BCR: variants seen among roughly 807,000 people sequenced by gnomAD.
The protein encoded by BCR is BCR activator of RhoGEF and GTPase.
BCR carries 58 observed loss-of-function variants against 138.6 expected under a neutral mutation model. The observed-to-expected ratio is 0.42, with a 90% CI of 0.34 to 0.52. BCR has a LOEUF of 0.52. BCR is among the 20% of genes least tolerant of loss of function. The probability of loss-of-function intolerance (pLI) is 0.06; values close to 1 mark genes in which losing one functional copy is unlikely to be tolerated. For missense variants in BCR, 1,599 were observed against 1,727.2 expected (o/e 0.93, Z 1.32); for synonymous variants, 786 against 730.1 (o/e 1.08, Z -1.23).
chr22:23,182,636 C>T (rs2072286664), intron 1 of BCR, among the ~76,000 whole-genome samples: 1 of 152,216 alleles, frequency 6.6e-6, no homozygotes, highest in African/African-American at 2.4e-5. Flanking sequence ...GCGCCCACAT[C>T]GGATGCTGTT....
intron 1 of BCR, among the ~76,000 whole-genome samples, chr22:23,239,869 A>G (rs2146253549): frequency 6.6e-6 from 1 of 151,502 alleles, no homozygotes; most frequent in East Asian, 2.0e-4. Context: ...CCCAGGCTGC[A>G]GTGCAGTGGC....
At chr22:23,310,801 T>C (rs1445786170) in intron 18 of BCR, among the ~76,000 whole-genome samples, 3 of 152,280 alleles carry the variant, frequency 2.0e-5, no homozygotes, top group Admixed American at 6.5e-5. Flanking sequence ...CATGCAGACA[T>C]AGACCACTTC....
rs147209807 is a variant in BCR, at chr22:23,181,683, C to T, written c.723C>T (p.Gly241=). Residue 241 remains glycine, a synonymous_variant, in exon 1 of 23, where the codon GGC becomes GGT. Transcript: ENST00000305877. The part of the protein sequence containing the change: ...YRGRSSESSC[G]VDGDYEDAEL... ...GACGCTCCTCGGAGAGCAGCTGCGG[C>T]GTCGACGGCGACTACGAGGACGCCG... The T allele has an allele frequency of 5.2e-5, 84 of 1,605,622 alleles. No individual in the cohort carries two copies. The African/African-American group carries it at 6.4e-4, about 12-fold the overall frequency.
chr22:23,188,200 C>G (rs184103072), intron 1 of BCR, among the ~76,000 whole-genome samples: 29 of 152,294 alleles, frequency 1.9e-4, no homozygotes, highest in African/African-American at 7.0e-4. Flanking sequence ...CCGCTAAAGG[C>G]ATCAGCAGCA....
chr22:23,270,470 G>A (rs2073497508), intron 5 of BCR, among the ~76,000 whole-genome samples: 1 of 152,122 alleles, frequency 6.6e-6, no homozygotes, highest in Admixed American at 6.5e-5. Context: ...AGGCTCTTGT[G>A]AGCCCAGCAC....
At chr22:23,240,333 G>GTGTGTC (rs1315080791) in intron 1 of BCR, among the ~76,000 whole-genome samples, 8 of 151,792 alleles carry the variant, frequency 5.3e-5, no homozygotes, top group Admixed American at 5.3e-4. Flanking sequence ...GTGTGTGTGT[G>GTGTGTC]TGTGTGTGTG....
intron 8 of BCR, among the ~76,000 whole-genome samples, chr22:23,281,949 G>T: frequency 6.6e-6 from 1 of 152,302 alleles, no homozygotes. Context: ...TTTCTTGACC[G>T]CAGGCAGAGT....
chr22:23,262,860 GCAGACGGC>G (rs1238254602), intron 4 of BCR: 1 of 1,047,580 alleles, frequency 9.5e-7, no homozygotes, highest in African/African-American at 1.7e-5. Context: ...AGCCCGGGCC[GCAGACGGC>G]GAAGGAGGCA....
chr22:23,190,762 A>G (rs116942343), intron 1 of BCR, among the ~76,000 whole-genome samples: 14 of 152,148 alleles, frequency 9.2e-5, no homozygotes, highest in Non-Finnish European at 1.8e-4. Flanking sequence ...ATGTGGTTTT[A>G]GGCAGCCTAG....
At chr22:23,206,317 G>A (rs2072612465) in intron 1 of BCR, among the ~76,000 whole-genome samples, 1 of 152,206 alleles carries the variant, frequency 6.6e-6, no homozygotes, top group Non-Finnish European at 1.5e-5. Flanking sequence ...GCTCACGCCT[G>A]TAATCCCAGC....
chr22:23,250,655 G>C (rs2073214406), intron 1 of BCR, among the ~76,000 whole-genome samples: 2 of 152,264 alleles, frequency 1.3e-5, no homozygotes, highest in Non-Finnish European at 1.5e-5. Flanking sequence ...GAGGCCAAGG[G>C]GATGGCACGG....
At chr22:23,244,254 A>C (rs2073130123) in intron 1 of BCR, among the ~76,000 whole-genome samples, 1 of 152,228 alleles carries the variant, frequency 6.6e-6, no homozygotes, top group Admixed American at 6.5e-5. Flanking sequence ...TCATAGTAGT[A>C]GTAATTGGAC....
intron 1 of BCR, among the ~76,000 whole-genome samples, chr22:23,219,358 C>A (rs531552750): frequency 6.6e-6 from 1 of 152,268 alleles, no homozygotes; most frequent in Non-Finnish European, 1.5e-5. Flanking sequence ...ACAAAGCCTC[C>A]CCCCGGATCC....
chr22:23,190,153 T>C (rs944531552), intron 1 of BCR, among the ~76,000 whole-genome samples: 1 of 152,148 alleles, frequency 6.6e-6, no homozygotes, highest in Non-Finnish European at 1.5e-5. Flanking sequence ...GGCATCTCTC[T>C]GTGTCCAAAT....
chr22:23,183,215 T>C (rs981704588), intron 1 of BCR, among the ~76,000 whole-genome samples: 16 of 152,126 alleles, frequency 1.1e-4, no homozygotes, highest in African/African-American at 3.6e-4. Context: ...CAGTTTGCCA[T>C]TGGGGTAAGG....
In BCR at chr22:23,260,865, A is replaced by G. The variant is rs769891719; in HGVS notation, c.1462-85A>G. 28 of 1,291,146 alleles carry G rather than the reference A, an allele frequency of 2.2e-5. No individual in the cohort carries two copies. In the Admixed American group the frequency reaches 4.2e-4, roughly 19 times the overall value. 80.0% of individuals were successfully genotyped at this position (1,291,146 alleles called of 1,614,324 possible). A position where few individuals can be genotyped will look rare whatever the true frequency, so the allele number is the denominator to read the frequency against. ...GCAGGGGTTTGTCCAGAGGTCAACA[A>G]GCTGGCCCTCCTCTCTCAGAGGGCC... On this transcript the variant is annotated intron_variant, in intron 2 of 22. Transcript: ENST00000305877.
rs375509594 is a variant in BCR at position 23,182,235 on chromosome 22, C to T, written c.1275C>T (p.Asp425=). ...PNDGEGAFHG[D]ADGSFGTPPG... ...ATGGCGAGGGCGCCTTCCATGGAGA[C>T]GCAGGTGAGTTCCTCACGCCACGTG... Residue 425 remains aspartate (D), a synonymous_variant, in exon 1 of 23, where the codon GAC becomes GAT. Transcript: ENST00000305877. 1.9e-6 allele frequency: 3 copies of T among 1,564,676 alleles called. No homozygotes were observed. Among genetic ancestry groups the T allele is most frequent in the East Asian group, 4.6e-5 (2 of 43,250 alleles).
chr22:23,190,447 C>T (rs1333013192), intron 1 of BCR, among the ~76,000 whole-genome samples: 2 of 152,168 alleles, frequency 1.3e-5, no homozygotes, highest in African/African-American at 4.8e-5. Context: ...GGATTATAGG[C>T]ATGAGCCACT....
At position 23,185,495 on chromosome 22, in the gene BCR, C is replaced by T. The variant is rs1352331225; in HGVS notation, c.1279+3256C>T. Among the ~76,000 whole-genome samples, 2 of 152,052 alleles carry T rather than the reference C, an allele frequency of 1.3e-5. 1 individual carries two copies. The highest frequency in any genetic ancestry group is 4.2e-4 in the South Asian group (2 of 4,816). On this transcript the variant is annotated intron_variant, in intron 1 of 22. Coordinates refer to ENST00000305877, the MANE Select transcript of BCR (RefSeq NM_004327.4). Reference sequence around the variant, plus strand: ...CCTGGCTAACACGGTGAAACCCCGTCTCTACTAAAAATACAAAAAATTAGC... The same window carrying T: ...CCTGGCTAACACGGTGAAACCCCGTTTCTACTAAAAATACAAAAAATTAGC...
Sources: gnomAD v4.1 joint callset for allele counts (sites outside exome capture counted in the v4.1 genomes callset) on GRCh38, gnomAD v4.1.1 for gene constraint, MANE v1.5 for transcripts, NCBI Gene and HGNC (gene_info 2026-07-23, HGNC 2026-07-21) for gene names.